Variants in CDH13 observed in about 807,000 individuals in gnomAD.
CDH13 encodes cadherin 13.
In CDH13, 24 loss-of-function variants were observed where a neutral mutation model predicts 63.8. The observed-to-expected ratio is 0.38, with a 90% CI of 0.27 to 0.53. The LOEUF is 0.53. CDH13 is among the 20% of genes least tolerant of loss of function. The probability of loss-of-function intolerance (pLI) is 0.85; values close to 1 mark genes in which losing one functional copy is unlikely to be tolerated. For missense variants in CDH13, 1,049 were observed against 903.1 expected (o/e 1.16, Z -2.07); for synonymous variants, 503 against 355.3 (o/e 1.42, Z -4.67).
intron 1 of CDH13, among the ~76,000 whole-genome samples, chr16:82,795,705 C>T (rs62036789): frequency 1.3e-5 from 2 of 152,226 alleles, no homozygotes; most frequent in African/African-American, 2.4e-5. Flanking sequence ...ACCCTATTGA[C>T]CCAGTTCCTA....
rs191349930 is a variant in CDH13 at position 83,360,205 on chromosome 16, T to C, written c.781+15199T>C. ...TCGCTTTAGCTTGTGCAGATGAATA[T>C]GCACCATTCTTCGTCAAGATTAGTC... is the stretch of plus-strand genomic sequence containing the variant. On this transcript the variant is annotated intron_variant, in intron 6 of 13. Coordinates refer to ENST00000567109, the MANE Select transcript of CDH13 (RefSeq NM_001257.5). 2.2e-3 allele frequency among the ~76,000 whole-genome samples: 337 copies of C among 152,358 alleles called. 1 individual carries two copies. The highest frequency in any genetic ancestry group is 0.014 in the Middle Eastern group (4 of 294).
intron 1 of CDH13, among the ~76,000 whole-genome samples, chr16:82,845,828 T>C (rs1284262357): frequency 1.3e-5 from 2 of 152,212 alleles, no homozygotes; most frequent in African/African-American, 4.8e-5. Flanking sequence ...CTCTGGTTTC[T>C]CCTAAGGGCC....
chr16:82,710,523 A>G (rs1432396311), intron 1 of CDH13, among the ~76,000 whole-genome samples: 10 of 90,582 alleles, frequency 1.1e-4, no homozygotes, highest in African/African-American at 4.2e-4. Flanking sequence ...ACAGAGTGAG[A>G]CTCTGTCTCA....
intron 7 of CDH13, among the ~76,000 whole-genome samples, chr16:83,592,999 C>T (rs1310301471): frequency 6.6e-6 from 1 of 152,136 alleles, no homozygotes; most frequent in East Asian, 1.9e-4. Context: ...TATGGACTAC[C>T]TATTCCCAGT....
At chr16:83,695,525 G>A (rs539216786) in intron 10 of CDH13, among the ~76,000 whole-genome samples, 1 of 152,192 alleles carries the variant, frequency 6.6e-6, no homozygotes, top group Non-Finnish European at 1.5e-5. Flanking sequence ...GCAACAGACA[G>A]TTAGCAATGT....
chr16:82,703,762 C>G (rs1426291882), intron 1 of CDH13, among the ~76,000 whole-genome samples: 1 of 152,276 alleles, frequency 6.6e-6, no homozygotes, highest in East Asian at 1.9e-4. Flanking sequence ...GCTGCCCCCT[C>G]TGCTAATGCC....
intron 6 of CDH13, among the ~76,000 whole-genome samples, chr16:83,422,074 C>G (rs1415820246): frequency 6.6e-6 from 1 of 152,150 alleles, no homozygotes; most frequent in Non-Finnish European, 1.5e-5. Flanking sequence ...AAGAATCAAT[C>G]ATACAGAAAA....
At chr16:83,126,096 G>C (rs2035799814) in intron 4 of CDH13, among the ~76,000 whole-genome samples, 1 of 152,206 alleles carries the variant, frequency 6.6e-6, no homozygotes, top group Non-Finnish European at 1.5e-5. Flanking sequence ...AGTCAACATG[G>C]AGAATCAAAT....
chr16:83,645,983 GAA>G (rs1911753668), intron 8 of CDH13, among the ~76,000 whole-genome samples: 1 of 152,162 alleles, frequency 6.6e-6, no homozygotes, highest in Admixed American at 6.5e-5. Flanking sequence ...TAAACTGGGG[GAA>G]ATGTCTGCTG....
chr16:82,718,334 C>A (rs932998132), intron 1 of CDH13, among the ~76,000 whole-genome samples: 3 of 152,182 alleles, frequency 2.0e-5, no homozygotes, highest in African/African-American at 7.2e-5. Context: ...TCCCAGTAAG[C>A]AGCCTCTGTA....
intron 1 of CDH13, among the ~76,000 whole-genome samples, chr16:82,765,272 T>A (rs2035011703): frequency 6.6e-6 from 1 of 152,220 alleles, no homozygotes; most frequent in African/African-American, 2.4e-5. Flanking sequence ...GAAGCTCCGA[T>A]TACCAAGACT....
chr16:82,716,688 G>A (rs757994089), intron 1 of CDH13, among the ~76,000 whole-genome samples: 1 of 150,682 alleles, frequency 6.6e-6, no homozygotes, highest in Admixed American at 6.7e-5. Context: ...GTGACTAGTT[G>A]TTTTAAAATC....
intron 5 of CDH13, among the ~76,000 whole-genome samples, chr16:83,255,486 G>A (rs1272483516): frequency 6.6e-6 from 1 of 152,192 alleles, no homozygotes; most frequent in Non-Finnish European, 1.5e-5. Context: ...TACTCCACAT[G>A]AGAACGTCCC....
intron 1 of CDH13, among the ~76,000 whole-genome samples, chr16:82,734,877 A>T (rs1567479458): frequency 6.6e-6 from 1 of 152,194 alleles, no homozygotes; most frequent in East Asian, 1.9e-4. Flanking sequence ...CTGCCTGCTG[A>T]CCGCACTCCC....
chr16:82,807,431 G>A (rs946202054), intron 1 of CDH13, among the ~76,000 whole-genome samples: 1 of 152,242 alleles, frequency 6.6e-6, no homozygotes, highest in African/African-American at 2.4e-5. Context: ...AGAATAGCAG[G>A]GTTAGAACAA....
intron 7 of CDH13, among the ~76,000 whole-genome samples, chr16:83,515,636 C>G (rs2074682905): frequency 6.6e-6 from 1 of 152,130 alleles, no homozygotes; most frequent in African/African-American, 2.4e-5. Context: ...TTCTCAAATG[C>G]TTAGAATTTC....
chr16:82,854,874 A>G (rs1289901113), intron 1 of CDH13, among the ~76,000 whole-genome samples: 1 of 152,200 alleles, frequency 6.6e-6, no homozygotes, highest in Non-Finnish European at 1.5e-5. Flanking sequence ...ATATTTAACA[A>G]TTATTGACTC....
chr16:83,787,161 C>T (rs891589013), intron 13 of CDH13, among the ~76,000 whole-genome samples: 1 of 152,204 alleles, frequency 6.6e-6, no homozygotes, highest in Non-Finnish European at 1.5e-5. Flanking sequence ...GCATACCATT[C>T]TGCGACTTAC....
At chr16:82,650,579 CA>C (rs1910610690) in intron 1 of CDH13, among the ~76,000 whole-genome samples, 1 of 152,136 alleles carries the variant, frequency 6.6e-6, no homozygotes. Flanking sequence ...TGCTGGGCCC[CA>C]AAATGTCCCG....
Sources: allele counts gnomAD v4.1 joint callset (sites outside exome capture counted in the v4.1 genomes callset), GRCh38; gene constraint gnomAD v4.1.1; transcripts MANE v1.5; gene names NCBI Gene and HGNC (gene_info 2026-07-23, HGNC 2026-07-21).